Variants in RARB observed in about 807,000 individuals in gnomAD.
RARB encodes the protein HBV-activated protein.
A neutral mutation model predicts 51.9 loss-of-function variants in RARB; 17 were observed. The observed-to-expected ratio is 0.33, with a 90% CI of 0.22 to 0.49. The LOEUF is 0.49. Among genes scored for constraint, RARB ranks in the 20% least tolerant of loss-of-function variants. The pLI is 0.99. For missense variants in RARB, 369 were observed against 550.8 expected (o/e 0.67, Z 3.30); for synonymous variants, 215 against 195.4 (o/e 1.10, Z -0.84).
chr3:25,203,004 C>T (rs1169912936), intron 5 of RARB, among the ~76,000 whole-genome samples: 2 of 152,302 alleles, frequency 1.3e-5, no homozygotes, highest in Admixed American at 6.5e-5. Flanking sequence ...AACTTTCTGT[C>T]TCATTGATCT....
intron 3 of RARB, among the ~76,000 whole-genome samples, chr3:25,131,239 A>G (rs11129185): frequency 2.0e-5 from 3 of 151,252 alleles, no homozygotes; most frequent in Admixed American, 6.6e-5. Flanking sequence ...CTTAGAGCCA[A>G]GGACAACATG....
chr3:25,546,876 G>A (rs1413522078), intron 3 of RARB, among the ~76,000 whole-genome samples: 1 of 152,074 alleles, frequency 6.6e-6, no homozygotes. Flanking sequence ...TTAACATTGC[G>A]AATATTTCCT....
At chr3:25,501,928 G>A (rs1697335434) in intron 3 of RARB, among the ~76,000 whole-genome samples, 1 of 152,138 alleles carries the variant, frequency 6.6e-6, no homozygotes, top group African/African-American at 2.4e-5. Flanking sequence ...TCTGATGATG[G>A]GGATTTGAAA....
rs1698312510 is a variant in RARB at position 25,519,519 on chromosome 3, G to C, written c.448+18196G>C. On this transcript the variant is annotated intron_variant, in intron 3 of 7. Coordinates refer to ENST00000330688, the MANE Select transcript of RARB (RefSeq NM_000965.5). ...AATGTGCATTTTCCTGATGACTAAT[G>C]ATGTTCCATTTCTTTTTAATTTAAT... Among the ~76,000 whole-genome samples, 3 of 152,060 alleles carry C rather than the reference G, an allele frequency of 2.0e-5. No homozygotes were observed. The South Asian group carries it at 6.2e-4, about 32-fold the overall frequency.
At chr3:25,562,899 G>C (rs1473757798) in intron 3 of RARB, among the ~76,000 whole-genome samples, 5 of 152,200 alleles carry the variant, frequency 3.3e-5, no homozygotes, top group African/African-American at 1.2e-4. Flanking sequence ...AATTTGTTTT[G>C]AAAGTTTCAT....
intron 4 of RARB, among the ~76,000 whole-genome samples, chr3:25,141,435 T>G (rs773857811): frequency 1.3e-5 from 2 of 151,800 alleles, no homozygotes; most frequent in Non-Finnish European, 1.5e-5. Context: ...TTTACCACTT[T>G]AGGTGGCCAC....
chr3:25,430,560 C>T (rs1708161961), intron 1 of RARB, among the ~76,000 whole-genome samples: 1 of 152,104 alleles, frequency 6.6e-6, no homozygotes, highest in Admixed American at 6.6e-5. Context: ...TCCAAAGATG[C>T]CTATTAAGTT....
intron 3 of RARB, among the ~76,000 whole-genome samples, chr3:25,099,768 A>G (rs1368831321): frequency 6.6e-6 from 1 of 152,030 alleles, no homozygotes; most frequent in Admixed American, 6.6e-5. Flanking sequence ...AGTCTCGGCA[A>G]TCATAGACCT....
chr3:25,081,602 TATATATATATATATATATA>T (rs1253546533), intron 3 of RARB, among the ~76,000 whole-genome samples: 6 of 18,570 alleles, frequency 3.2e-4, no homozygotes, highest in South Asian at 3.3e-3. Flanking sequence ...TATATATATA[TATATATATATATATATATA>T]TTTTTTTTTT....
At chr3:25,382,728 T>G (rs1706666081) in intron 5 of RARB, among the ~76,000 whole-genome samples, 1 of 151,970 alleles carries the variant, frequency 6.6e-6, no homozygotes. Context: ...TGTGGCGGTG[T>G]GCACCTGTAA....
chr3:25,043,734 G>A (rs919420174), intron 2 of RARB, among the ~76,000 whole-genome samples: 1 of 152,088 alleles, frequency 6.6e-6, no homozygotes, highest in African/African-American at 2.4e-5. Context: ...AAGCATTTAC[G>A]TGACCACTCA....
chr3:25,488,871 A>C (rs1180212287), intron 2 of RARB, among the ~76,000 whole-genome samples: 1 of 152,208 alleles, frequency 6.6e-6, no homozygotes, highest in African/African-American at 2.4e-5. Context: ...TGAAAACTGG[A>C]GAACAATCTA....
chr3:24,839,719 AGG>A (rs58994202), intron 1 of RARB, among the ~76,000 whole-genome samples: 4,567 of 41,166 alleles, frequency 0.11, 155 homozygotes, highest in Middle Eastern at 0.18. Context: ...AAAAAAAAAA[AGG>A]GGGGGGGGGT....
rs182297280 is a variant in RARB at position 25,205,345 on chromosome 3, A to G, written c.178+30770A>G. On this transcript the variant is annotated intron_variant, in intron 5 of 11. Transcript: ENST00000383772. ...TGTCACCCCTTTCCTTGGCTAGGAAAGGGAATTCCCTGACCCCTTGCACTT... is the reference window on the plus strand; with the variant it reads ...TGTCACCCCTTTCCTTGGCTAGGAAGGGGAATTCCCTGACCCCTTGCACTT... 6.6e-3 allele frequency among the ~76,000 whole-genome samples: 1,000 copies of G among 152,270 alleles called. 8 individuals carry two copies. The highest frequency in any genetic ancestry group is 0.022 in the African/African-American group (898 of 41,560).
chr3:25,424,890 GA>G (rs1446726184), upstream of RARB, among the ~76,000 whole-genome samples: 6 of 152,212 alleles, frequency 3.9e-5, no homozygotes, highest in Non-Finnish European at 8.8e-5. Flanking sequence ...GAAAACCAGA[GA>G]AACAGATGTA....
At chr3:25,092,725 G>T (rs1699220702) in intron 3 of RARB, among the ~76,000 whole-genome samples, 1 of 152,046 alleles carries the variant, frequency 6.6e-6, no homozygotes, top group Non-Finnish European at 1.5e-5. Context: ...GAAGTGTGTT[G>T]TCTTGCCATG....
chr3:25,214,836 A>C (rs1004158530), intron 5 of RARB, among the ~76,000 whole-genome samples: 1 of 152,182 alleles, frequency 6.6e-6, no homozygotes, highest in African/African-American at 2.4e-5. Flanking sequence ...CCTTTTCCCC[A>C]GTGTCATGTA....
At chr3:25,068,775 A>G (rs1341674396) in intron 3 of RARB, among the ~76,000 whole-genome samples, 2 of 152,180 alleles carry the variant, frequency 1.3e-5, no homozygotes, top group Non-Finnish European at 2.9e-5. Context: ...GGCGTCATCT[A>G]TAATGGCGGC....
chr3:25,268,009 T>G (rs1442834980), intron 5 of RARB, among the ~76,000 whole-genome samples: 1 of 152,242 alleles, frequency 6.6e-6, no homozygotes, highest in Non-Finnish European at 1.5e-5. Context: ...TATATATTTC[T>G]TAAGTCATCA....
Sources: allele counts gnomAD v4.1 joint callset (sites outside exome capture counted in the v4.1 genomes callset), GRCh38; gene constraint gnomAD v4.1.1; transcripts MANE v1.5; gene names NCBI Gene and HGNC (gene_info 2026-07-23, HGNC 2026-07-21).